Variants in LPAR3 observed in about 807,000 individuals in gnomAD.
LPAR3 encodes LPA receptor 3.
A neutral mutation model predicts 17.8 loss-of-function variants in LPAR3; 7 were observed. The observed-to-expected ratio is 0.39, with a 90% CI of 0.22 to 0.74. The LOEUF is 0.74. Ranked by LOEUF, LPAR3 falls within the 30% of genes least tolerant of loss-of-function variation. The probability of loss-of-function intolerance (pLI) is 0.40; values close to 1 mark genes in which losing one functional copy is unlikely to be tolerated. For missense variants in LPAR3, 391 were observed against 453.4 expected (o/e 0.86, Z 1.25); for synonymous variants, 179 against 179.9 (o/e 0.99, Z 0.04).
At chr1:84,872,737 G>A (rs1055843154) in intron 1 of LPAR3, among the ~76,000 whole-genome samples, 4 of 152,172 alleles carry the variant, frequency 2.6e-5, no homozygotes, top group African/African-American at 4.8e-5. Flanking sequence ...GCTGTACACA[G>A]GGACCTCCTT....
rs762454862 is a variant in LPAR3, at chr1:84,865,249, G to T, written c.736+136C>A. 138 of 856,368 alleles carry T rather than the reference G, an allele frequency of 1.6e-4. 1 individual carries two copies. The highest frequency in any genetic ancestry group is 2.3e-4 in the Non-Finnish European group (130 of 563,734). The allele number at this position is 856,368 out of a possible 1,614,324, so 53.0% of individuals were successfully genotyped here. On this transcript the variant is annotated intron_variant, in intron 2 of 2. Coordinates refer to ENST00000370611, the MANE Select transcript of LPAR3 (RefSeq NM_012152.3). ...TTCCTTATTAGAGTGTAAGCTCCAG[G>T]TGGGTGGCGATTTATGTCCGTTCTT... is the stretch of plus-strand genomic sequence containing the variant.
intron 2 of LPAR3, among the ~76,000 whole-genome samples, chr1:84,849,964 T>C (rs565720489): frequency 2.4e-4 from 36 of 152,260 alleles, no homozygotes; most frequent in African/African-American, 8.2e-4. Flanking sequence ...CGGCCCTGTG[T>C]GATCACGCAG....
At chr1:84,819,610 C>CA (rs1301354763) in intron 2 of LPAR3, among the ~76,000 whole-genome samples, 1 of 152,098 alleles carries the variant, frequency 6.6e-6, no homozygotes, top group Non-Finnish European at 1.5e-5. Context: ...AGAGGGAGCA[C>CA]AGTTTTTTCA....
intron 1 of LPAR3, among the ~76,000 whole-genome samples, chr1:84,872,205 C>T (rs1225210261): frequency 1.3e-5 from 2 of 152,158 alleles, no homozygotes; most frequent in Admixed American, 1.3e-4. Context: ...TGAAGTAATG[C>T]TTGTGCACTC....
At chr1:84,826,782 T>A (rs551276041) in intron 2 of LPAR3, among the ~76,000 whole-genome samples, 1 of 152,322 alleles carries the variant, frequency 6.6e-6, no homozygotes, top group Non-Finnish European at 1.5e-5. Context: ...ATATAATCTA[T>A]AGGCAACATG....
intron 1 of LPAR3, among the ~76,000 whole-genome samples, chr1:84,889,973 A>G (rs1034742585): frequency 1.3e-5 from 2 of 152,242 alleles, no homozygotes; most frequent in Non-Finnish European, 2.9e-5. Flanking sequence ...CAGGGTCACA[A>G]GAACTCACAA....
At chr1:84,835,323 G>A (rs559248334) in intron 2 of LPAR3, among the ~76,000 whole-genome samples, 1 of 152,260 alleles carries the variant, frequency 6.6e-6, no homozygotes, top group South Asian at 2.1e-4. Context: ...AGAACCACGT[G>A]GGCATGATGT....
chr1:84,869,768 AT>A (rs1660122922), intron 1 of LPAR3, among the ~76,000 whole-genome samples: 1 of 152,258 alleles, frequency 6.6e-6, no homozygotes, highest in South Asian at 2.1e-4. Flanking sequence ...TTCTACAATT[AT>A]GGCTTTGAAA....
chr1:84,819,199 A>G (rs914054879), intron 2 of LPAR3, among the ~76,000 whole-genome samples: 3 of 152,192 alleles, frequency 2.0e-5, no homozygotes, highest in Non-Finnish European at 4.4e-5. Flanking sequence ...ATAGCTTTTG[A>G]TGTCTGGCTT....
intron 2 of LPAR3, among the ~76,000 whole-genome samples, chr1:84,819,125 C>T (rs981140384): frequency 6.6e-6 from 1 of 152,192 alleles, no homozygotes; most frequent in African/African-American, 2.4e-5. Flanking sequence ...AACACTCCCA[C>T]CTGGATTTTT....
intron 2 of LPAR3, among the ~76,000 whole-genome samples, chr1:84,821,475 C>T (rs148454925): frequency 8.6e-4 from 131 of 152,260 alleles, no homozygotes; most frequent in African/African-American, 2.7e-3. Context: ...GTGCTCAGGA[C>T]GGACTAGAGG....
chr1:84,874,305 AG>A (rs1264971350), intron 1 of LPAR3, among the ~76,000 whole-genome samples: 1 of 152,186 alleles, frequency 6.6e-6, no homozygotes, highest in Non-Finnish European at 1.5e-5. Context: ...CAGAATAAAC[AG>A]GTTCTTGTGT....
In LPAR3 at chr1:84,812,794, T is replaced by A. The variant is rs1306054129; in HGVS notation, c.*1052A>T. The A allele has an allele frequency of 1.3e-5, 2 of 152,186 alleles. No individual in the cohort carries two copies. The highest frequency in any genetic ancestry group is 4.8e-5 in the African/African-American group (2 of 41,402). The allele number at this position is 152,186 out of a possible 1,614,324, so 9.4% of individuals were successfully genotyped here. A position where few individuals can be genotyped will look rare whatever the true frequency, so the allele number is the denominator to read the frequency against. ...TTATTCCTCTGTCCTTTTGCTGGGTTTTCTCTACCTGCTCCTTAAACGTTG... is the reference window on the plus strand; with the variant it reads ...TTATTCCTCTGTCCTTTTGCTGGGTATTCTCTACCTGCTCCTTAAACGTTG... On this transcript the variant is annotated 3_prime_UTR_variant, in exon 3 of 3. Transcript: ENST00000370611.
chr1:84,888,843 T>C (rs897496995), intron 1 of LPAR3, among the ~76,000 whole-genome samples: 7 of 152,178 alleles, frequency 4.6e-5, no homozygotes, highest in African/African-American at 1.4e-4. Flanking sequence ...TCCAGCTTAA[T>C]GTCCCAGGGA....
intron 2 of LPAR3, among the ~76,000 whole-genome samples, chr1:84,865,034 T>C (rs1660011352): frequency 1.3e-5 from 2 of 152,088 alleles, no homozygotes; most frequent in African/African-American, 4.8e-5. Flanking sequence ...TTCACACCTC[T>C]GCTCAAAAGT....
intron 2 of LPAR3, among the ~76,000 whole-genome samples, chr1:84,852,989 C>G (rs931388777): frequency 2.6e-5 from 4 of 152,002 alleles, no homozygotes; most frequent in African/African-American, 9.7e-5. Context: ...GGCACACTGG[C>G]TCGTGCCTAT....
At chr1:84,816,234 A>T (rs1658929322) in intron 2 of LPAR3, among the ~76,000 whole-genome samples, 1 of 152,228 alleles carries the variant, frequency 6.6e-6, no homozygotes. Context: ...TTGAGAATTC[A>T]TATTAGTAAG....
chr1:84,839,795 G>A (rs977825610), intron 2 of LPAR3, among the ~76,000 whole-genome samples: 36 of 152,188 alleles, frequency 2.4e-4, no homozygotes, highest in African/African-American at 8.7e-4. Context: ...CAATTACTGT[G>A]TGACCTGGGG....
chr1:84,871,973 C>T (rs1051708137), intron 1 of LPAR3, among the ~76,000 whole-genome samples: 1 of 152,192 alleles, frequency 6.6e-6, no homozygotes, highest in Admixed American at 6.5e-5. Flanking sequence ...CAGCATTTCT[C>T]CATACCTCAA....
Sources: gnomAD v4.1 joint callset for allele counts (sites outside exome capture counted in the v4.1 genomes callset) on GRCh38, gnomAD v4.1.1 for gene constraint, MANE v1.5 for transcripts, NCBI Gene and HGNC (gene_info 2026-07-23, HGNC 2026-07-21) for gene names.